Variants in NANS observed in about 807,000 individuals in gnomAD.
The protein encoded by NANS is N-acetylneuraminate synthase, also known as N-acetylneuraminate-9-phosphate synthase.
In NANS, 29 loss-of-function variants were observed where a neutral mutation model predicts 33.3. The ratio of observed to expected loss-of-function variants is 0.87; its 90% CI spans 0.65 to 1.19. The LOEUF is 1.19. Among genes scored for constraint, NANS ranks in the 50% most tolerant of loss-of-function variants. The probability of loss-of-function intolerance (pLI) is 0.00; values close to 1 mark genes in which losing one functional copy is unlikely to be tolerated. For missense variants in NANS, 394 were observed against 461.1 expected, an observed-to-expected ratio of 0.85 and a Z score of 1.33; for synonymous variants, 163 against 177.2, an observed-to-expected ratio of 0.92 and a Z score of 0.64.
intron 2 of NANS, among the ~76,000 whole-genome samples, chr9:98,072,512 A>G (rs765079140): frequency 2.0e-5 from 3 of 151,878 alleles, no homozygotes; most frequent in African/African-American, 7.3e-5. Flanking sequence ...CACGGGTTCA[A>G]GCAGTTCTCT....
Position 98,056,833 on chromosome 9 carries a change from C to G in NANS, c.25C>G (p.Pro9Ala). Reference sequence around the variant, plus strand: ...AATGCCGCTGGAGCTGGAGCTGTGTCCCGGGCGCTGGGTGGGCGGGCAACA... The same window carrying G: ...AATGCCGCTGGAGCTGGAGCTGTGTGCCGGGCGCTGGGTGGGCGGGCAACA... MPLELELC[P>A]GRWVGGQHPC... Residue 9 changes from proline (P) to alanine (A), a missense_variant, in exon 1 of 6, where the codon CCC becomes GCC. Physicochemically the swap from Pro to Ala is conservative, Grantham distance 27 (BLOSUM62 -1). Transcript: ENST00000210444. 1 of 1,612,130 alleles carries G rather than the reference C, an allele frequency of 6.2e-7. No individual in the cohort carries two copies. Among genetic ancestry groups the G allele is most frequent in the Non-Finnish European group, 8.5e-7 (1 of 1,179,446 alleles).
chr9:98,059,528 C>T (rs1033643714), intron 1 of NANS, among the ~76,000 whole-genome samples: 2 of 152,068 alleles, frequency 1.3e-5, no homozygotes, highest in Admixed American at 6.6e-5. Flanking sequence ...GATCCTCCCC[C>T]CTCAGCCTCC....
rs757390996 is a variant in NANS at position 98,078,177 on chromosome 9, G to A, written c.449-16G>A. 6.2e-7 allele frequency: 1 copy of A among 1,614,016 alleles called. No individual in the cohort carries two copies. The highest frequency in any genetic ancestry group is 8.5e-7 in the Non-Finnish European group (1 of 1,179,986). On this transcript the variant is annotated splice_polypyrimidine_tract_variant and intron_variant, in intron 3 of 5. Transcript: ENST00000210444. ...TAAAGAGAAAGTGCTGATGGTGTTG[G>A]TGCTGGATTACTCAGGTCGCCCAAT...
chr9:98,070,568 C>T (rs570654063), intron 2 of NANS, among the ~76,000 whole-genome samples: 2 of 151,734 alleles, frequency 1.3e-5, no homozygotes, highest in Admixed American at 1.3e-4. Context: ...TTATAGGTAC[C>T]CGCCACCACA....
At chr9:98,078,752 T>C (rs1409159593) in intron 4 of NANS, among the ~76,000 whole-genome samples, 1 of 150,580 alleles carries the variant, frequency 6.6e-6, no homozygotes, top group Non-Finnish European at 1.5e-5. Context: ...GGAGAATCGC[T>C]TGAATTCAGG....
intron 2 of NANS, among the ~76,000 whole-genome samples, chr9:98,064,561 C>G (rs1184719879): frequency 1.3e-5 from 2 of 152,098 alleles, no homozygotes; most frequent in African/African-American, 2.4e-5. Context: ...CGCCCTAATT[C>G]CCTACTTTTG....
In NANS at chr9:98,056,902, G is replaced by T. The variant is rs1282288505; in HGVS notation, c.94G>T (p.Asp32Tyr). 1 of 1,610,482 alleles carries T rather than the reference G, an allele frequency of 6.2e-7. No homozygotes were observed. The highest frequency in any genetic ancestry group is 1.3e-5 in the African/African-American group (1 of 74,330). Residue 32 changes from aspartate to tyrosine, a missense_variant, in exon 1 of 6, where the codon GAC (aspartate) becomes TAC (tyrosine). By Grantham distance (160) the Asp-to-Tyr change is radical. Coordinates refer to ENST00000210444, the MANE Select transcript of NANS (RefSeq NM_018946.4). ...CGAGATCGGCCAGAACCACCAGGGC[G>T]ACCTGGACGTAGCCAAGCGCATGAT... is the stretch of plus-strand genomic sequence containing the variant. Reference protein sequence around the residue: ...IAEIGQNHQGDLDVAKRMIRM... With the variant: ...IAEIGQNHQGYLDVAKRMIRM...
chr9:98,069,143 G>A (rs74813260), intron 2 of NANS: 1 of 152,336 alleles, frequency 6.6e-6, no homozygotes, highest in East Asian at 1.9e-4. Flanking sequence ...GTATGTGAGT[G>A]TCATTACAAC....
chr9:98,067,182 A>G (rs1395229572), intron 2 of NANS, among the ~76,000 whole-genome samples: 3 of 151,098 alleles, frequency 2.0e-5, no homozygotes, highest in Non-Finnish European at 4.4e-5. Context: ...GGTTGTTTCT[A>G]CTCTTTGGCT....
At chr9:98,073,417 T>C (rs2117875756) in intron 2 of NANS, among the ~76,000 whole-genome samples, 1 of 151,346 alleles carries the variant, frequency 6.6e-6, no homozygotes, top group Middle Eastern at 3.4e-3. Context: ...CCCGAGTAGC[T>C]GGGATTACAG....
intron 2 of NANS, chr9:98,069,407 G>A (rs1192527653): frequency 6.6e-6 from 1 of 152,154 alleles, no homozygotes; most frequent in African/African-American, 2.4e-5. Flanking sequence ...CTGAGTAGCA[G>A]GGATTACAGG....
intron 2 of NANS, among the ~76,000 whole-genome samples, chr9:98,068,828 TAAA>T (rs35363398): frequency 2.9e-4 from 42 of 143,174 alleles, no homozygotes; most frequent in Admixed American, 4.2e-4. Context: ...ATCCTGTCTC[TAAA>T]AAAAAAAAAA....
intron 2 of NANS, among the ~76,000 whole-genome samples, chr9:98,067,722 T>G (rs953736295): frequency 3.3e-5 from 5 of 152,102 alleles, no homozygotes; most frequent in Non-Finnish European, 7.4e-5. Context: ...TCTTTTTCAC[T>G]TTCTTTTTTT....
chr9:98,057,895 TCTTA>T (rs1828871424), intron 1 of NANS, among the ~76,000 whole-genome samples: 6 of 148,896 alleles, frequency 4.0e-5, no homozygotes, highest in African/African-American at 1.2e-4. Flanking sequence ...GGAGGTTTTC[TCTTA>T]CTGTTTTTTT....
chr9:98,074,529 C>T (rs1203600976), intron 2 of NANS: 2 of 152,174 alleles, frequency 1.3e-5, no homozygotes, highest in Non-Finnish European at 2.9e-5. Flanking sequence ...TTCCCTTTGC[C>T]CGATGGCTCT....
At chr9:98,076,866 AAC>A (rs2117941947) in intron 2 of NANS, 50 bp from the exon 3 acceptor site, 1 of 1,446,270 alleles carries the variant, frequency 6.9e-7, no homozygotes, top group South Asian at 1.2e-5. Flanking sequence ...CTGTCATAAC[AAC>A]AGTGTTTTTG....
At chr9:98,063,092 T>C (rs1195518341) in intron 2 of NANS, among the ~76,000 whole-genome samples, 3 of 150,352 alleles carry the variant, frequency 2.0e-5, no homozygotes, top group Admixed American at 6.6e-5. Context: ...GCCTGGCTGA[T>C]TTTTTTTGTA....
At chr9:98,082,236 C>G (rs1829900394) in intron 5 of NANS, 3 of 152,260 alleles carry the variant, frequency 2.0e-5, no homozygotes, top group Admixed American at 6.5e-5. Flanking sequence ...CATTCACCAT[C>G]TTATGAGTCC....
intron 3 of NANS, 71 bp downstream of exon 3, chr9:98,077,088 G>A (rs1188632684): frequency 1.7e-5 from 19 of 1,135,052 alleles, no homozygotes; most frequent in African/African-American, 3.2e-5. Context: ...CCTCATGGTG[G>A]CCCACTTTCA....
Sources: gnomAD v4.1 joint callset for allele counts (sites outside exome capture counted in the v4.1 genomes callset) on GRCh38, gnomAD v4.1.1 for gene constraint, MANE v1.5 for transcripts, NCBI Gene and HGNC (gene_info 2026-07-23, HGNC 2026-07-21) for gene names.